The following ALMS1 variants were observed in gnomAD, a reference collection of about 807,000 sequenced individuals.
The protein encoded by ALMS1 is ALMS1 centrosome and basal body associated protein, also known as centrosome-associated protein ALMS1.
Under a neutral mutation model 352.2 loss-of-function variants are expected in ALMS1, and 271 were observed. The observed-to-expected ratio is 0.77, with a 90% confidence interval of 0.70 to 0.85. The LOEUF is 0.85. Among genes scored for constraint, ALMS1 ranks in the 40% least tolerant of loss-of-function variants. The probability of loss-of-function intolerance (pLI) is 0.00; values close to 1 mark genes in which losing one functional copy is unlikely to be tolerated. For synonymous variants in ALMS1, 1,865 were observed against 1,761.2 expected (o/e 1.06, Z -1.48); for missense variants, 5,445 against 4,870.7 (o/e 1.12, Z -3.51).
chr2:73,556,691 T>C (rs1001030714), intron 13 of ALMS1, among the ~76,000 whole-genome samples: 3 of 151,852 alleles, frequency 2.0e-5, no homozygotes, highest in Non-Finnish European at 2.9e-5. Flanking sequence ...ACAGATTTTT[T>C]TTAGAATGTT....
At chr2:73,398,263 C>T (rs564210518) in intron 1 of ALMS1, among the ~76,000 whole-genome samples, 106 of 152,268 alleles carry the variant, frequency 7.0e-4, no homozygotes, top group African/African-American at 2.4e-3. Flanking sequence ...GTATTGCCTT[C>T]GTTTTTTGGT....
chr2:73,442,211 A>T (rs1325045408), intron 7 of ALMS1, among the ~76,000 whole-genome samples: 1 of 152,204 alleles, frequency 6.6e-6, no homozygotes, highest in Non-Finnish European at 1.5e-5. Context: ...GACTGCTGAC[A>T]TGATATTCAA....
intron 12 of ALMS1, among the ~76,000 whole-genome samples, chr2:73,545,664 A>G (rs1346268149): frequency 6.6e-6 from 1 of 152,240 alleles, no homozygotes; most frequent in Non-Finnish European, 1.5e-5. Flanking sequence ...AAATCAGATG[A>G]GTGGAATTCG....
At chr2:73,386,689 A>G (rs1339330910) in intron 1 of ALMS1, among the ~76,000 whole-genome samples, 1 of 152,020 alleles carries the variant, frequency 6.6e-6, no homozygotes, top group Non-Finnish European at 1.5e-5. Context: ...CTGGACCATC[A>G]TTTGTAGCAA....
intron 11 of ALMS1, among the ~76,000 whole-genome samples, chr2:73,520,599 G>C (rs1169146495): frequency 6.6e-6 from 1 of 152,180 alleles, no homozygotes; most frequent in Non-Finnish European, 1.5e-5. Flanking sequence ...AAAGCATTGA[G>C]GAGCACATAT....
At chr2:73,460,881 A>C (rs1022349555) in intron 9 of ALMS1, among the ~76,000 whole-genome samples, 2 of 152,194 alleles carry the variant, frequency 1.3e-5, no homozygotes, top group African/African-American at 4.8e-5. Flanking sequence ...GGCAGCAGCG[A>C]GGCTGGGGGA....
chr2:73,481,857 C>G (rs1440894054), intron 9 of ALMS1, among the ~76,000 whole-genome samples: 1 of 151,094 alleles, frequency 6.6e-6, no homozygotes, highest in Non-Finnish European at 1.5e-5. Context: ...TGGGAGTTCA[C>G]TCATGATTTG....
chr2:73,452,231 G>T lies in ALMS1; in HGVS notation c.5704G>T (p.Ala1902Ser). The change falls in exon 8 of 23, where the codon GCC (alanine) becomes TCC (serine). Residue 1902 changes from alanine (A) to serine (S), a missense_variant. Coordinates refer to ENST00000613296, the MANE Select transcript of ALMS1 (RefSeq NM_001378454.1). ...SSSSYSNREKASIFHQQELPD... is the reference protein window; with the variant it reads ...SSSSYSNREKSSIFHQQELPD... ...TAGTTCCTACTCAAATAGAGAGAAG[G>T]CCAGTATTTTTCATCAGCAGGAGTT... is the stretch of plus-strand genomic sequence containing the variant. 5 of 1,613,962 alleles carry T rather than the reference G, an allele frequency of 3.1e-6. No individual in the cohort carries two copies. Among genetic ancestry groups the T allele is most frequent in the Non-Finnish European group, 4.2e-6 (5 of 1,179,980 alleles).
intron 11 of ALMS1, among the ~76,000 whole-genome samples, chr2:73,520,554 T>A (rs1673654893): frequency 6.6e-6 from 1 of 152,198 alleles, no homozygotes; most frequent in Admixed American, 6.5e-5. Flanking sequence ...CAAGGTTATG[T>A]TGGATTTACC....
chr2:73,571,117 G>C (rs921225215), intron 15 of ALMS1, among the ~76,000 whole-genome samples: 1 of 152,134 alleles, frequency 6.6e-6, no homozygotes, highest in Non-Finnish European at 1.5e-5. Context: ...AAATTGTATA[G>C]TCTACATACT....
intron 16 of ALMS1, among the ~76,000 whole-genome samples, chr2:73,580,302 A>G (rs549705512): frequency 3.3e-5 from 5 of 152,254 alleles, no homozygotes; most frequent in South Asian, 4.2e-4. Flanking sequence ...ATCTTCACCT[A>G]TCTTCAAGTT....
At position 73,450,482 on chromosome 2, in the gene ALMS1, C is replaced by T; in HGVS notation, c.3955C>T (p.Pro1319Ser). 6.2e-7 allele frequency: 1 copy of T among 1,613,390 alleles called. No homozygotes were observed. The highest frequency in any genetic ancestry group is 1.3e-5 in the African/African-American group (1 of 74,792). The change falls in exon 8 of 23, where the codon CCA becomes TCA. Residue 1319 changes from proline to serine, a missense_variant. Physicochemically the swap from Pro to Ser is moderately conservative, Grantham distance 74. Coordinates refer to ENST00000613296, the MANE Select transcript of ALMS1 (RefSeq NM_001378454.1). ...TAAGAATGTTTCAGCGGTTCCTGGA[C>T]CAGCTGACCAGAAGACTGTGATACC... ...EAKNVSAVPGPADQKTVIPIL... is the reference protein window; with the variant it reads ...EAKNVSAVPGSADQKTVIPIL...
intron 12 of ALMS1, among the ~76,000 whole-genome samples, chr2:73,546,124 G>T (rs945165002): frequency 6.6e-6 from 1 of 152,176 alleles, no homozygotes; most frequent in African/African-American, 2.4e-5. Context: ...ACCTTCAAGG[G>T]TGATTTTGAC....
At chr2:73,547,788 C>A (rs183309395) in intron 12 of ALMS1, among the ~76,000 whole-genome samples, 1 of 152,092 alleles carries the variant, frequency 6.6e-6, no homozygotes, top group African/African-American at 2.4e-5. Flanking sequence ...AGAGCCATGG[C>A]GGGGCGGGTT....
At position 73,491,297 on chromosome 2, in the gene ALMS1, C is replaced by T; in HGVS notation, c.9338C>T (p.Ser3113Phe). 1.9e-6 allele frequency: 3 copies of T among 1,614,168 alleles called. No individual in the cohort carries two copies. The highest frequency in any genetic ancestry group is 2.5e-6 in the Non-Finnish European group (3 of 1,180,008). The change falls in exon 10 of 23, where the codon TCT becomes TTT. Residue 3113 changes from serine (S) to phenylalanine (F), a missense_variant. By Grantham distance (155) the Ser-to-Phe change is radical. Transcript: ENST00000613296. ...TSKPVAQDQE[S>F]LGFLGPKSSL... ...AAACCTGTAGCACAGGATCAAGAATCTTTAGGTTTTCTAGGACCTAAATCT... is the reference window on the plus strand; with the variant it reads ...AAACCTGTAGCACAGGATCAAGAATTTTTAGGTTTTCTAGGACCTAAATCT...
intron 9 of ALMS1, among the ~76,000 whole-genome samples, chr2:73,469,007 T>C (rs925010132): frequency 5.3e-5 from 8 of 151,848 alleles, no homozygotes; most frequent in African/African-American, 1.4e-4. Flanking sequence ...ACTGTTGAGA[T>C]CATTTTGGCC....
chr2:73,519,402 GCT>G (rs770769397), intron 10 of ALMS1, among the ~76,000 whole-genome samples: 18 of 152,198 alleles, frequency 1.2e-4, no homozygotes, highest in African/African-American at 1.7e-4. Flanking sequence ...TTGACAGAAT[GCT>G]CTGTTTCTTG....
intron 7 of ALMS1, among the ~76,000 whole-genome samples, chr2:73,442,390 G>T (rs953490070): frequency 1.3e-5 from 2 of 152,064 alleles, no homozygotes; most frequent in African/African-American, 4.8e-5. Context: ...ATGAAACTTA[G>T]AGTGACTTGC....
At chr2:73,435,583 C>T (rs994219642) in intron 7 of ALMS1, among the ~76,000 whole-genome samples, 5 of 151,340 alleles carry the variant, frequency 3.3e-5, no homozygotes, top group African/African-American at 4.9e-5. Context: ...TACTCACACA[C>T]GTATATAAAT....
Sources: allele counts gnomAD v4.1 joint callset (sites outside exome capture counted in the v4.1 genomes callset), GRCh38; gene constraint gnomAD v4.1.1; transcripts MANE v1.5; gene names NCBI Gene and HGNC (gene_info 2026-07-23, HGNC 2026-07-21).